Variants in RALGAPB observed in about 807,000 individuals in gnomAD.
RALGAPB encodes the protein ral GTPase-activating protein subunit beta.
RALGAPB carries 25 observed loss-of-function variants against 161.1 expected under a neutral mutation model. That is an observed-to-expected ratio of 0.16 (90% confidence interval 0.11 to 0.22). The LOEUF (loss-of-function observed/expected upper bound fraction) is 0.22. RALGAPB is among the 10% of genes least tolerant of loss of function. The pLI is 1.00. For missense variants in RALGAPB, 1,391 were observed against 1,815.2 expected (o/e 0.77, Z 4.25); for synonymous variants, 629 against 626.1 (o/e 1.00, Z -0.07).
At chr20:38,526,113 C>G in intron 13 of RALGAPB, 71 bp downstream of exon 13, 1 of 1,532,052 alleles carries the variant, frequency 6.5e-7, no homozygotes, top group Admixed American at 1.9e-5. Context: ...GAGGAGGCGG[C>G]AGTCGGTAAT....
chr20:38,554,251 T>C (rs1393501356), intron 22 of RALGAPB, among the ~76,000 whole-genome samples, 175 bp downstream of exon 22: 1 of 152,066 alleles, frequency 6.6e-6, no homozygotes, highest in Non-Finnish European at 1.5e-5. Context: ...TAGTTTGTGC[T>C]CCAGGACAGG....
intron 3 of RALGAPB, among the ~76,000 whole-genome samples, chr20:38,496,455 T>TA (rs1303129045): frequency 3.3e-5 from 5 of 152,190 alleles, no homozygotes; most frequent in African/African-American, 1.2e-4. Flanking sequence ...TTTTCAGTAA[T>TA]ATTAGATACT....
At chr20:38,552,115 G>A (rs905035232) in intron 21 of RALGAPB, among the ~76,000 whole-genome samples, 1 of 150,364 alleles carries the variant, frequency 6.7e-6, no homozygotes, top group Non-Finnish European at 1.5e-5. Context: ...TAAGGAAATG[G>A]CCTCGTTAAG....
chr20:38,492,829 C>A, intron 2 of RALGAPB, 101 bp from the exon 3 acceptor site: 2 of 914,364 alleles, frequency 2.2e-6, no homozygotes, highest in Non-Finnish European at 3.4e-6. Flanking sequence ...AATATACTGT[C>A]AATTTAGAGG....
intron 19 of RALGAPB, chr20:38,546,740 C>G (rs186385858): frequency 3.2e-6 from 1 of 307,826 alleles, no homozygotes; most frequent in Non-Finnish European, 6.2e-6. Flanking sequence ...ACTTCGGATC[C>G]TGCCCCTCTG....
chr20:38,548,060 T>C (rs924752448), intron 19 of RALGAPB: 5 of 152,188 alleles, frequency 3.3e-5, no homozygotes, highest in African/African-American at 7.2e-5. Flanking sequence ...TAAGAAATTA[T>C]AGAGAAGTTT....
intron 3 of RALGAPB, among the ~76,000 whole-genome samples, chr20:38,496,002 T>A (rs1270417426): frequency 6.6e-6 from 1 of 152,190 alleles, no homozygotes; most frequent in African/African-American, 2.4e-5. Flanking sequence ...CCTCTTATAT[T>A]ACTTGATTAG....
At chr20:38,569,697 G>A (rs2088156893) in intron 26 of RALGAPB, 191 bp from the exon 27 acceptor site, 2 of 553,830 alleles carry the variant, frequency 3.6e-6, no homozygotes, top group South Asian at 5.0e-5. Context: ...CTTGTCCTAG[G>A]TTAAGACTGA....
intron 1 of RALGAPB, among the ~76,000 whole-genome samples, chr20:38,478,114 C>G (rs2122811444): frequency 6.6e-6 from 1 of 152,248 alleles, no homozygotes; most frequent in Non-Finnish European, 1.5e-5. Context: ...AGAGTGAGAC[C>G]TTGTCTCAAA....
At chr20:38,511,348 A>G (rs1193962457) in intron 6 of RALGAPB, among the ~76,000 whole-genome samples, 1 of 143,846 alleles carries the variant, frequency 7.0e-6, no homozygotes, top group Non-Finnish European at 1.5e-5. Flanking sequence ...TTTTTTTAGT[A>G]TTTATTGATC....
chr20:38,567,191 C>T lies in RALGAPB; in HGVS notation c.3913C>T (p.Leu1305Phe), dbSNP rs769882430. The T allele has an allele frequency of 1.9e-6, 3 of 1,613,672 alleles. No homozygotes were observed. The highest frequency in any genetic ancestry group is 2.5e-6 in the Non-Finnish European group (3 of 1,179,702). The change falls in exon 26 of 30, where the codon CTT (leucine) becomes TTT (phenylalanine). Residue 1305 changes from leucine (L) to phenylalanine (F), a missense_variant. Leu to Phe is a conservative substitution (Grantham distance 22). This residue lies in a region of RALGAPB where 436 missense variants were observed against 527.0 expected (regional missense o/e 0.83). Coordinates refer to ENST00000262879, the MANE Select transcript of RALGAPB (RefSeq NM_020336.4). ...ILKQPSLTLE[L>F]FPNHTDNLNS... is the part of the protein sequence containing the mutation. Reference sequence around the variant, plus strand: ...GAAACAGCCATCCCTGACACTTGAGCTTTTCCCCAATCATACAGACAATCT... The same window carrying T: ...GAAACAGCCATCCCTGACACTTGAGTTTTTCCCCAATCATACAGACAATCT...
rs933118904 is a variant in RALGAPB at position 38,518,127 on chromosome 20, C to A, written c.1417+127C>A. On this transcript the variant is annotated intron_variant, in intron 9 of 29. Transcript: ENST00000262879. Reference sequence around the variant, plus strand: ...CTCTCTGTTTCTGACCAAGCAATGTCTTGTGCTTAACCCCTTCCAGCTGAA... The same window carrying A: ...CTCTCTGTTTCTGACCAAGCAATGTATTGTGCTTAACCCCTTCCAGCTGAA... 4.5e-6 allele frequency: 4 copies of A among 892,818 alleles called. No individual in the cohort carries two copies. In the Admixed American group the frequency reaches 7.5e-5, roughly 17 times the overall value. 55.3% of individuals were successfully genotyped at this position (892,818 alleles called of 1,614,324 possible).
At position 38,539,824 on chromosome 20, in the gene RALGAPB, G is replaced by A; in HGVS notation, c.2428G>A (p.Val810Met). 1 of 1,614,052 alleles carries A rather than the reference G, an allele frequency of 6.2e-7. No homozygotes were observed. Among genetic ancestry groups the A allele is most frequent in the Non-Finnish European group, 8.5e-7 (1 of 1,179,976 alleles). Residue 810 changes from valine to methionine, a missense_variant, in exon 17 of 30, where the codon GTG (valine) becomes ATG (methionine). Physicochemically the swap from Val to Met is conservative, Grantham distance 21 (BLOSUM62 1). Around this residue, in one of 3 missense-constraint regions of RALGAPB, gnomAD observed 946 missense variants for 1,257.2 expected, o/e 0.75. Transcript: ENST00000262879. Reference sequence around the variant, plus strand: ...AGACCGGAAGCGAGCCATCAGTTCTGTGTGCACCTACATTGTTTATCAGTG... The same window carrying A: ...AGACCGGAAGCGAGCCATCAGTTCTATGTGCACCTACATTGTTTATCAGTG... ...SGDRKRAISS[V>M]CTYIVYQCSR...
intron 24 of RALGAPB, 34 bp downstream of exon 24, chr20:38,562,731 T>C (rs767022090): frequency 4.8e-5 from 75 of 1,559,470 alleles, no homozygotes; most frequent in Non-Finnish European, 6.4e-5. Context: ...GTCAGTTGTT[T>C]CTTGTTTGTT....
rs1052165572 is a variant in RALGAPB, at chr20:38,576,109, C to A, written c.*1142C>A. On this transcript the variant is annotated 3_prime_UTR_variant, in exon 30 of 30. Coordinates refer to ENST00000262879, the MANE Select transcript of RALGAPB (RefSeq NM_020336.4). ...TTTTGGAAATACTTCTATTACCTCGCTGCTACTTTTCTGCAGGGATAAAAC... is the reference window on the plus strand; with the variant it reads ...TTTTGGAAATACTTCTATTACCTCGATGCTACTTTTCTGCAGGGATAAAAC... The A allele has an allele frequency of 4.6e-5, 7 of 152,512 alleles. No individual in the cohort carries two copies. The highest frequency in any genetic ancestry group is 1.9e-4 in the East Asian group (1 of 5,204). The allele number at this position is 152,512 out of a possible 1,614,324, so 9.4% of individuals were successfully genotyped here.
chr20:38,521,582 T>C lies in RALGAPB; in HGVS notation c.1503T>C (p.Asp501=), dbSNP rs755006961. The change falls in exon 10 of 30, where the codon GAT becomes GAC. Residue 501 remains aspartate, a synonymous_variant. Coordinates refer to ENST00000262879, the MANE Select transcript of RALGAPB (RefSeq NM_020336.4). The part of the protein sequence containing the change: ...TDTMVSNPMF[D]ASEFPDNYEA... ...CCATGGTTTCCAATCCTATGTTTGATGCAAGTGAATTTCCTGATAACTATG... is the reference window on the plus strand; with the variant it reads ...CCATGGTTTCCAATCCTATGTTTGACGCAAGTGAATTTCCTGATAACTATG... The C allele has an allele frequency of 3.7e-6, 6 of 1,614,200 alleles. No homozygotes were observed. The highest frequency in any genetic ancestry group is 2.2e-5 in the East Asian group (1 of 44,884).
At chr20:38,529,513 G>A (rs1480291700) in intron 13 of RALGAPB, among the ~76,000 whole-genome samples, 8 of 144,512 alleles carry the variant, frequency 5.5e-5, no homozygotes, top group African/African-American at 7.7e-5. Context: ...GCGAAACTCC[G>A]TCTCAAAAAA....
chr20:38,565,014 A>G (rs2087942715), intron 24 of RALGAPB, among the ~76,000 whole-genome samples: 3 of 147,806 alleles, frequency 2.0e-5, no homozygotes. Context: ...TCTCTGGCCC[A>G]ACTCCCTTCT....
chr20:38,506,494 A>G (rs2085767274), intron 5 of RALGAPB, among the ~76,000 whole-genome samples: 3 of 152,082 alleles, frequency 2.0e-5, no homozygotes, highest in Non-Finnish European at 2.9e-5. Context: ...GGGTTCCTCC[A>G]TGTTGTCCAG....
Sources: allele counts gnomAD v4.1 joint callset (sites outside exome capture counted in the v4.1 genomes callset), GRCh38; gene constraint gnomAD v4.1.1; regional missense constraint gnomAD v4.1.1; transcripts MANE v1.5; gene names NCBI Gene and HGNC (gene_info 2026-07-23, HGNC 2026-07-21).